The following ARHGAP28 variants were observed in gnomAD, a reference collection of about 807,000 sequenced individuals.
The protein encoded by ARHGAP28 is Rho GTPase activating protein 28, also known as rho GTPase-activating protein 28.
ARHGAP28 carries 56 observed loss-of-function variants against 90.7 expected under a neutral mutation model. That is an observed-to-expected ratio of 0.62 (90% CI 0.50 to 0.77). The LOEUF (loss-of-function observed/expected upper bound fraction) is 0.77, where lower values mean the gene tolerates loss of function less well. Among genes scored for constraint, ARHGAP28 ranks in the 30% least tolerant of loss-of-function variants. ARHGAP28 has a pLI of 0.00. For synonymous variants in ARHGAP28, 308 were observed against 323.3 expected (o/e 0.95, Z 0.51); for missense variants, 869 against 900.9 (o/e 0.96, Z 0.45).
At chr18:6,794,245 T>C (rs913023848) in intron 1 of ARHGAP28, among the ~76,000 whole-genome samples, 4 of 152,226 alleles carry the variant, frequency 2.6e-5, no homozygotes, top group Non-Finnish European at 5.9e-5. Flanking sequence ...GACTACCACA[T>C]TTTGTTCTAG....
chr18:6,799,860 A>G (rs372098684), intron 1 of ARHGAP28, among the ~76,000 whole-genome samples: 1 of 152,244 alleles, frequency 6.6e-6, no homozygotes, highest in Admixed American at 6.5e-5. Context: ...AAAATTGACA[A>G]TTGGGATCTA....
chr18:6,793,785 T>C (rs2056422206), intron 1 of ARHGAP28, among the ~76,000 whole-genome samples: 1 of 151,870 alleles, frequency 6.6e-6, no homozygotes, highest in South Asian at 2.1e-4. Flanking sequence ...CTAAGGGTAG[T>C]CAAAAAGGAT....
intron 3 of ARHGAP28, among the ~76,000 whole-genome samples, chr18:6,839,235 A>G (rs1365983636): frequency 6.6e-6 from 1 of 151,940 alleles, no homozygotes; most frequent in Non-Finnish European, 1.5e-5. Flanking sequence ...GGGACTTTCT[A>G]CTTGAGAAGC....
chr18:6,750,714 A>C (rs546512361), intron 1 of ARHGAP28, among the ~76,000 whole-genome samples: 1 of 151,328 alleles, frequency 6.6e-6, no homozygotes, highest in African/African-American at 2.4e-5. Flanking sequence ...ATAAAGCCAC[A>C]GTCCCATCGT....
intron 4 of ARHGAP28, 50 bp downstream of exon 4, chr18:6,851,176 C>T (rs748239797): frequency 5.2e-6 from 8 of 1,547,426 alleles, no homozygotes; most frequent in African/African-American, 1.4e-5. Context: ...TAAGCCATTT[C>T]TTCAAGATGG....
intron 16 of ARHGAP28, among the ~76,000 whole-genome samples, chr18:6,906,158 A>G (rs2143844727): frequency 6.6e-6 from 1 of 152,354 alleles, no homozygotes; most frequent in South Asian, 2.1e-4. Context: ...AAAAGGTAGA[A>G]TAATCAAGAT....
At chr18:6,819,041 T>A (rs946316685) in intron 1 of ARHGAP28, among the ~76,000 whole-genome samples, 1 of 152,206 alleles carries the variant, frequency 6.6e-6, no homozygotes, top group Admixed American at 6.5e-5. Flanking sequence ...GATCAAATGA[T>A]GTAATGCGTA....
chr18:6,869,740 C>T (rs1343694957), intron 6 of ARHGAP28, among the ~76,000 whole-genome samples: 1 of 151,998 alleles, frequency 6.6e-6, no homozygotes, highest in East Asian at 1.9e-4. Context: ...TTGGTAGTCC[C>T]CTAGTCAGTG....
rs1443953578 is a variant in ARHGAP28 at position 6,913,459 on chromosome 18, T to G, written c.*1305T>G. On this transcript the variant is annotated 3_prime_UTR_variant, in exon 18 of 18. Coordinates refer to ENST00000383472, the MANE Select transcript of ARHGAP28 (RefSeq NM_001366230.1). ...TTTTTTGGAATCTATAGATTGAGAT[T>G]TTGATGAATTTATATTGGTTTTAAT... The G allele has an allele frequency of 6.6e-6, 1 of 152,164 alleles. No individual in the cohort carries two copies. The highest frequency in any genetic ancestry group is 6.5e-5 in the Admixed American group (1 of 15,282). 9.4% of individuals were successfully genotyped at this position (152,164 alleles called of 1,614,324 possible). A position where few individuals can be genotyped will look rare whatever the true frequency, so the allele number is the denominator to read the frequency against.
At chr18:6,834,162 TA>T (rs35799752) in intron 2 of ARHGAP28, among the ~76,000 whole-genome samples, 5 of 150,216 alleles carry the variant, frequency 3.3e-5, no homozygotes, top group African/African-American at 9.8e-5. Flanking sequence ...TTAGAGTGAT[TA>T]AAAAAAAAGC....
intron 1 of ARHGAP28, among the ~76,000 whole-genome samples, chr18:6,815,787 G>C (rs751292502): frequency 6.6e-6 from 1 of 152,140 alleles, no homozygotes; most frequent in Non-Finnish European, 1.5e-5. Flanking sequence ...AGTACATCAC[G>C]TGAATTTTTG....
chr18:6,840,174 C>T (rs533285078), intron 3 of ARHGAP28, among the ~76,000 whole-genome samples: 1 of 152,274 alleles, frequency 6.6e-6, no homozygotes, highest in African/African-American at 2.4e-5. Flanking sequence ...GGGCCTGAGC[C>T]TGGGAATTCT....
In ARHGAP28 at chr18:6,778,213, G is replaced by T. The variant is rs146976747; in HGVS notation, c.123-46549G>T. Among the ~76,000 whole-genome samples the T allele has an allele frequency of 8.3e-4, 126 of 152,222 alleles. 3 individuals carry two copies. In the East Asian group the frequency reaches 0.023, roughly 28 times the overall value. ...CTCTAGGATTTTTTCCATGAAGTTGGCATGTTGCATTTCTAGTTTTGAAAT... is the reference window on the plus strand; with the variant it reads ...CTCTAGGATTTTTTCCATGAAGTTGTCATGTTGCATTTCTAGTTTTGAAAT... On this transcript the variant is annotated intron_variant, in intron 1 of 17. Coordinates refer to ENST00000383472, the MANE Select transcript of ARHGAP28 (RefSeq NM_001366230.1).
At chr18:6,821,210 A>T (rs2143749475) in intron 1 of ARHGAP28, among the ~76,000 whole-genome samples, 1 of 152,330 alleles carries the variant, frequency 6.6e-6, no homozygotes, top group Non-Finnish European at 1.5e-5. Flanking sequence ...ATCTACTAAA[A>T]TATAGTATAA....
At position 6,850,653 on chromosome 18, in the gene ARHGAP28, C is replaced by A; in HGVS notation, c.544-381C>A. 4.8e-6 allele frequency: 3 copies of A among 626,816 alleles called. No individual in the cohort carries two copies. In the South Asian group the frequency reaches 7.6e-5, roughly 16 times the overall value. The allele number at this position is 626,816 out of a possible 1,614,324, so 38.8% of individuals were successfully genotyped here. On this transcript the variant is annotated intron_variant, in intron 3 of 17. Transcript: ENST00000383472. Reference sequence around the variant, plus strand: ...AAAACATTAGCTTTCCCAGACACTCCACCAAGTAGAATTACATTCATATCT... The same window carrying A: ...AAAACATTAGCTTTCCCAGACACTCAACCAAGTAGAATTACATTCATATCT...
intron 2 of ARHGAP28, among the ~76,000 whole-genome samples, 186 bp from the exon 3 acceptor site, chr18:6,837,011 T>C (rs2056758810): frequency 6.6e-6 from 1 of 152,156 alleles, no homozygotes; most frequent in African/African-American, 2.4e-5. Context: ...TATTAGAAAA[T>C]ACTTTAAAAT....
chr18:6,894,303 A>G lies in ARHGAP28; in HGVS notation c.1849-532A>G, dbSNP rs553745485. 3.9e-5 allele frequency among the ~76,000 whole-genome samples: 6 copies of G among 152,362 alleles called. No homozygotes were observed. In the South Asian group the frequency reaches 1.0e-3, roughly 26 times the overall value. On this transcript the variant is annotated intron_variant, in intron 14 of 17. Transcript: ENST00000383472. ...TCCCCTCCTGGAGACAAATAGTATC[A>G]CCAACGGCAGGGTGTGTGTACAGGA... is the stretch of plus-strand genomic sequence containing the variant.
At chr18:6,858,060 G>A (rs1235778567) in intron 4 of ARHGAP28, among the ~76,000 whole-genome samples, 1 of 152,094 alleles carries the variant, frequency 6.6e-6, no homozygotes, top group Non-Finnish European at 1.5e-5. Context: ...TTTTGTTGTG[G>A]CATCTGGAGT....
intron 1 of ARHGAP28, among the ~76,000 whole-genome samples, chr18:6,794,259 A>G (rs1228861768): frequency 6.6e-6 from 1 of 152,202 alleles, no homozygotes. Context: ...GTTCTAGTTC[A>G]TATTCTTTTT....
Sources: allele counts gnomAD v4.1 joint callset (sites outside exome capture counted in the v4.1 genomes callset), GRCh38; gene constraint gnomAD v4.1.1; transcripts MANE v1.5; gene names NCBI Gene and HGNC (gene_info 2026-07-23, HGNC 2026-07-21).